The following HERC4 variants were observed in gnomAD, a reference collection of about 807,000 sequenced individuals.
The protein encoded by HERC4 is probable E3 ubiquitin-protein ligase HERC4.
In HERC4, 28 loss-of-function variants were observed where a neutral mutation model predicts 124.3. The ratio of observed to expected loss-of-function variants is 0.23; its 90% CI spans 0.17 to 0.31. HERC4 has a LOEUF of 0.31. Among genes scored for constraint, HERC4 ranks in the 10% least tolerant of loss-of-function variants. The pLI, the probability that HERC4 is intolerant of heterozygous loss-of-function variation, is 1.00. For missense variants in HERC4, 713 were observed against 1,229.3 expected (o/e 0.58, Z 6.28); for synonymous variants, 407 against 421.5 (o/e 0.97, Z 0.42).
intron 4 of HERC4, among the ~76,000 whole-genome samples, chr10:68,043,740 C>T (rs997868128): frequency 2.0e-5 from 3 of 151,786 alleles, no homozygotes; most frequent in African/African-American, 7.3e-5. Flanking sequence ...CGCTTGAAAC[C>T]AGGAGGTGGA....
At chr10:68,065,616 T>C (rs2041262061) in intron 3 of HERC4, among the ~76,000 whole-genome samples, 1 of 152,200 alleles carries the variant, frequency 6.6e-6, no homozygotes, top group Admixed American at 6.5e-5. Flanking sequence ...TTCATGCCTA[T>C]AATCCCAGCA....
chr10:68,048,467 G>C (rs954270274), intron 3 of HERC4, among the ~76,000 whole-genome samples: 1 of 152,172 alleles, frequency 6.6e-6, no homozygotes, highest in African/African-American at 2.4e-5. Context: ...GACAACGATG[G>C]AGACAGTAAA....
At chr10:67,958,815 TGAG>T (rs900499334) in intron 16 of HERC4, among the ~76,000 whole-genome samples, 1 of 152,202 alleles carries the variant, frequency 6.6e-6, no homozygotes, top group African/African-American at 2.4e-5. Flanking sequence ...TTTTATATTC[TGAG>T]GACACATTAC....
chr10:68,061,718 A>G (rs2041025619), intron 3 of HERC4, among the ~76,000 whole-genome samples: 1 of 150,912 alleles, frequency 6.6e-6, no homozygotes, highest in South Asian at 2.1e-4. Context: ...GTCTCTACTA[A>G]AAATACAAAA....
In HERC4 at chr10:67,973,201, T is replaced by TA. The variant is rs2035356435; in HGVS notation, c.1807-6400_1807-6399insT. ...AAAAAGGAAAGTGAATGGAAAACAT[T>TA]TAAAAAAAAAAGGTTTGAAGGAGAA... On this transcript the variant is annotated intron_variant, in intron 15 of 24. Coordinates refer to ENST00000373700, the MANE Select transcript of HERC4 (RefSeq NM_015601.4). 2.0e-5 allele frequency among the ~76,000 whole-genome samples: 3 copies of TA among 149,560 alleles called. No homozygotes were observed. In the South Asian group the frequency reaches 6.5e-4, roughly 32 times the overall value.
At chr10:67,970,349 G>A (rs192962930) in intron 15 of HERC4, among the ~76,000 whole-genome samples, 16 of 152,074 alleles carry the variant, frequency 1.1e-4, no homozygotes, top group African/African-American at 3.9e-4. Flanking sequence ...CCCAGCACTC[G>A]GGGAGGAGAA....
At chr10:68,033,859 A>C in intron 6 of HERC4, 106 bp downstream of exon 6, 1 of 886,270 alleles carries the variant, frequency 1.1e-6, no homozygotes, top group Non-Finnish European at 1.7e-6. Context: ...CCCCACCTCT[A>C]TACCAGGGAA....
chr10:68,037,091 C>CTTTTT (rs35105661), intron 5 of HERC4, among the ~76,000 whole-genome samples: 1 of 106,942 alleles, frequency 9.4e-6, no homozygotes, highest in Admixed American at 1.0e-4. Context: ...CCTATTTCTT[C>CTTTTT]TTTTTTTTTT....
chr10:67,946,982 A>G (rs764237154), intron 19 of HERC4, among the ~76,000 whole-genome samples: 1 of 152,216 alleles, frequency 6.6e-6, no homozygotes, highest in Non-Finnish European at 1.5e-5. Context: ...AGCAAATATT[A>G]TTACCGCTAA....
chr10:68,038,518 A>T (rs1302854401), intron 4 of HERC4, among the ~76,000 whole-genome samples: 2 of 152,214 alleles, frequency 1.3e-5, no homozygotes, highest in Non-Finnish European at 2.9e-5. Flanking sequence ...TACAGTTAGA[A>T]ACTTGGCAAT....
chr10:68,003,850 A>T (rs1442752606), intron 9 of HERC4, among the ~76,000 whole-genome samples: 2 of 152,120 alleles, frequency 1.3e-5, no homozygotes, highest in Admixed American at 6.6e-5. Flanking sequence ...TGATGTACAG[A>T]TTTCCTTTCT....
chr10:68,025,600 G>A lies in HERC4; in HGVS notation c.854C>T (p.Pro285Leu), dbSNP rs1380564587. ...TCCCATAAGTTCAAAAACTTTCCTTGGGTTTATTTCATGACTGGTAGAATT... is the reference window on the plus strand; with the variant it reads ...TCCCATAAGTTCAAAAACTTTCCTTAGGTTTATTTCATGACTGGTAGAATT... ...GHNSTSHEINPRKVFELMGSI... is the reference protein window; with the variant it reads ...GHNSTSHEINLRKVFELMGSI... The change falls in exon 8 of 25, where the codon CCA becomes CTA. Residue 285 changes from proline (P) to leucine (L), a missense_variant. Transcript: ENST00000373700. The A allele has an allele frequency of 6.2e-7, 1 of 1,613,424 alleles. No individual in the cohort carries two copies. The highest frequency in any genetic ancestry group is 8.5e-7 in the Non-Finnish European group (1 of 1,179,744).
At chr10:67,978,451 A>G (rs1035826973) in intron 15 of HERC4, among the ~76,000 whole-genome samples, 3 of 152,222 alleles carry the variant, frequency 2.0e-5, no homozygotes, top group African/African-American at 7.2e-5. Flanking sequence ...CAGCTGCAGT[A>G]CAACAGAACA....
intron 15 of HERC4, among the ~76,000 whole-genome samples, chr10:67,974,103 C>T (rs1329939977): frequency 2.8e-5 from 4 of 144,284 alleles, no homozygotes; most frequent in Non-Finnish European, 4.5e-5. Context: ...CACACACACA[C>T]ACACACACAC....
chr10:67,968,372 T>C lies in HERC4; in HGVS notation c.1807-1570A>G, dbSNP rs1230361673. ...CCAACAGAAAGCACAGCTGAGAGGC[T>C]ACTCCTTTTTTTTTTTTTGAGACAA... On this transcript the variant is annotated intron_variant, in intron 15 of 24. Transcript: ENST00000373700. 1.3e-5 allele frequency among the ~76,000 whole-genome samples: 2 copies of C among 151,012 alleles called. 1 individual carries two copies. Among genetic ancestry groups the C allele is most frequent in the East Asian group, 3.9e-4 (2 of 5,184 alleles).
chr10:67,929,522 G>C (rs2031543538), intron 23 of HERC4, among the ~76,000 whole-genome samples: 1 of 150,484 alleles, frequency 6.6e-6, no homozygotes, highest in African/African-American at 2.5e-5. Flanking sequence ...TGTATCAATA[G>C]TGCTTTTTTT....
At chr10:68,062,987 A>G (rs2041108784) in intron 3 of HERC4, among the ~76,000 whole-genome samples, 1 of 152,022 alleles carries the variant, frequency 6.6e-6, no homozygotes, top group African/African-American at 2.4e-5. Flanking sequence ...AAGACATCTC[A>G]ATTACATGGA....
intron 3 of HERC4, among the ~76,000 whole-genome samples, chr10:68,051,774 C>T (rs1240607628): frequency 6.6e-6 from 1 of 151,468 alleles, no homozygotes; most frequent in Admixed American, 6.6e-5. Flanking sequence ...ACTGCAACCC[C>T]GCCTCCGAGG....
chr10:67,998,148 C>T (rs571145025), intron 9 of HERC4, among the ~76,000 whole-genome samples: 1 of 151,972 alleles, frequency 6.6e-6, no homozygotes, highest in Non-Finnish European at 1.5e-5. Flanking sequence ...CCACCTGCCT[C>T]GGCCTCCCAA....
Sources: gnomAD v4.1 joint callset for allele counts (sites outside exome capture counted in the v4.1 genomes callset) on GRCh38, gnomAD v4.1.1 for gene constraint, MANE v1.5 for transcripts, NCBI Gene and HGNC (gene_info 2026-07-23, HGNC 2026-07-21) for gene names.